The following NAT10 variants were observed in gnomAD, a reference collection of about 807,000 sequenced individuals.
NAT10 encodes RNA cytidine acetyltransferase.
In NAT10, 109 loss-of-function variants were observed where a neutral mutation model predicts 132.2. The observed-to-expected ratio is 0.82, with a 90% CI of 0.71 to 0.97. The LOEUF (loss-of-function observed/expected upper bound fraction) is 0.97, where lower values mean the gene tolerates loss of function less well. Ranked by LOEUF, NAT10 falls within the 50% of genes least tolerant of loss-of-function variation. NAT10 has a pLI of 0.00. For missense variants in NAT10, 1,184 were observed against 1,263.4 expected (o/e 0.94, Z 0.95); for synonymous variants, 479 against 478.0 (o/e 1.00, Z -0.03).
In NAT10 at chr11:34,135,181, T is replaced by A; in HGVS notation, c.1918T>A (p.Tyr640Asn). ...AVHPDYQGMG[Y>N]GSRALQLLQM... ...CCTTCACGTTTGCTCCTAGATGGGC[T>A]ATGGCAGCCGTGCTCTGCAGCTGCT... The change falls in exon 19 of 29, where the codon TAT becomes AAT. Residue 640 changes from tyrosine (Y) to asparagine (N), a missense_variant. Coordinates refer to ENST00000257829, the MANE Select transcript of NAT10 (RefSeq NM_024662.3). 3 of 1,613,910 alleles carry A rather than the reference T, an allele frequency of 1.9e-6. No individual in the cohort carries two copies. Among genetic ancestry groups the A allele is most frequent in the Non-Finnish European group, 2.5e-6 (3 of 1,179,780 alleles).
Position 34,130,920 on chromosome 11 carries a change from C to T in NAT10, c.1352C>T (p.Thr451Ile). 2 of 1,614,082 alleles carry T rather than the reference C, an allele frequency of 1.2e-6. No homozygotes were observed. The highest frequency in any genetic ancestry group is 1.7e-4 in the Middle Eastern group (1 of 6,058). ...ACTGCTGAGAATAAGACCACGACGACAGCCAGATTGGCATCAGGTACCCCA... is the reference window on the plus strand; with the variant it reads ...ACTGCTGAGAATAAGACCACGACGATAGCCAGATTGGCATCAGGTACCCCA... Reference protein sequence around the residue: ...STTAENKTTTTARLASARTLY... With the variant: ...STTAENKTTTIARLASARTLY... The change falls in exon 13 of 29, where the codon ACA becomes ATA. Residue 451 changes from threonine (T) to isoleucine (I), a missense_variant. By Grantham distance (89) the Thr-to-Ile change is moderately conservative. Coordinates refer to ENST00000257829, the MANE Select transcript of NAT10 (RefSeq NM_024662.3).
At chr11:34,146,052 T>C (rs1295990118) in intron 28 of NAT10, 32 bp from the exon 29 acceptor site, 13 of 1,454,286 alleles carry the variant, frequency 8.9e-6, no homozygotes, top group Non-Finnish European at 1.2e-5. Flanking sequence ...TCTGTACATA[T>C]TTCATTCTTT....
chr11:34,119,041 A>T (rs1851837627), intron 8 of NAT10, among the ~76,000 whole-genome samples: 1 of 152,204 alleles, frequency 6.6e-6, no homozygotes, highest in South Asian at 2.1e-4. Context: ...GTGAGAGGAG[A>T]ACTTGAGGCC....
intron 8 of NAT10, among the ~76,000 whole-genome samples, chr11:34,120,431 A>G (rs1851873064): frequency 6.6e-6 from 1 of 152,098 alleles, no homozygotes; most frequent in African/African-American, 2.4e-5. Flanking sequence ...CTCCCCTTCC[A>G]TCTACCTTGG....
At chr11:34,123,115 A>AC (rs1851925886) in intron 9 of NAT10, among the ~76,000 whole-genome samples, 2 of 152,202 alleles carry the variant, frequency 1.3e-5, no homozygotes, top group African/African-American at 2.4e-5. Context: ...TGAACCTAGA[A>AC]CTTACTGTGT....
At chr11:34,123,975 G>T (rs972643574) in intron 10 of NAT10, 120 bp downstream of exon 10, 34 of 727,112 alleles carry the variant, frequency 4.7e-5, no homozygotes, top group Non-Finnish European at 6.7e-5. Flanking sequence ...TTGGAGACCA[G>T]CCTGACCAAC....
chr11:34,122,274 T>G (rs1851908301), intron 8 of NAT10, among the ~76,000 whole-genome samples, 185 bp from the exon 9 acceptor site: 1 of 152,094 alleles, frequency 6.6e-6, no homozygotes, highest in Admixed American at 6.5e-5. Context: ...CCAAAGGCCT[T>G]GAGACTGAAA....
At position 34,122,669 on chromosome 11, in the gene NAT10, T is replaced by A. The variant is rs1330567214; in HGVS notation, c.914+77T>A. The A allele has an allele frequency of 4.4e-5, 69 of 1,561,730 alleles. No homozygotes were observed. In the Admixed American group the frequency reaches 1.3e-3, roughly 29 times the overall value. On this transcript the variant is annotated intron_variant, in intron 9 of 28. Transcript: ENST00000257829. ...GTGTGCAGGGTTGGGGTCAGAGGACTGGTATCTCACGTTCCTAGTTCTGAG... is the reference window on the plus strand; with the variant it reads ...GTGTGCAGGGTTGGGGTCAGAGGACAGGTATCTCACGTTCCTAGTTCTGAG...
chr11:34,145,962 G>A lies in NAT10; in HGVS notation c.2970-122G>A. 4.6e-6 allele frequency: 3 copies of A among 653,848 alleles called. No homozygotes were observed. In the South Asian group the frequency reaches 6.0e-5, roughly 13 times the overall value. The allele number at this position is 653,848 out of a possible 1,614,324, so 40.5% of individuals were successfully genotyped here. A position where few individuals can be genotyped will look rare whatever the true frequency, so the allele number is the denominator to read the frequency against. ...GCAGAGAACATTAATGTCCAATTGG[G>A]TGGCCTACATCAAGTTTCAGACGGT... is the stretch of plus-strand genomic sequence containing the variant. On this transcript the variant is annotated intron_variant, in intron 28 of 28. Coordinates refer to ENST00000257829, the MANE Select transcript of NAT10 (RefSeq NM_024662.3).
At chr11:34,135,126 G>T (rs769456165) in intron 18 of NAT10, 49 bp from the exon 19 acceptor site, 5 of 1,476,492 alleles carry the variant, frequency 3.4e-6, no homozygotes, top group South Asian at 1.1e-5. Context: ...GGCTTAGACT[G>T]AGAGCAGCTC....
intron 14 of NAT10, 142 bp downstream of exon 14, chr11:34,131,673 C>CT (rs376895504): frequency 0.073 from 46,033 of 634,118 alleles, 13 homozygotes; most frequent in East Asian, 0.1. Context: ...TTTTCTCTTC[C>CT]TTTTTTTTTT....
chr11:34,117,681 C>A (rs945743494), intron 6 of NAT10, among the ~76,000 whole-genome samples: 4 of 152,038 alleles, frequency 2.6e-5, no homozygotes, highest in African/African-American at 7.2e-5. Flanking sequence ...CATTTTTTTC[C>A]CTGCTTGCAA....
Position 34,141,408 on chromosome 11 carries a change from T to TCA in NAT10, c.2712+242_2712+243dup, listed in dbSNP as rs59489457. Among the ~76,000 whole-genome samples, 189 of 132,942 alleles carry TCA rather than the reference T, an allele frequency of 1.4e-3. 1 individual carries two copies. The highest frequency in any genetic ancestry group is 4.7e-3 in the African/African-American group (165 of 35,172). The allele number at this position is 132,942 out of a possible 152,430, so 87.2% of individuals were successfully genotyped here. A position where few individuals can be genotyped will look rare whatever the true frequency, so the allele number is the denominator to read the frequency against. ...TGTGTTTGCTGCATCTCATCACACA[T>TCA]CACACACACACACACACACACACAC... On this transcript the variant is annotated intron_variant, in intron 25 of 28. Coordinates refer to ENST00000257829, the MANE Select transcript of NAT10 (RefSeq NM_024662.3).
In NAT10 at chr11:34,141,757, G is replaced by A; in HGVS notation, c.2751G>A (p.Gln917=). The A allele has an allele frequency of 6.2e-7, 1 of 1,614,158 alleles. No individual in the cohort carries two copies. Among genetic ancestry groups the A allele is most frequent in the Non-Finnish European group, 8.5e-7 (1 of 1,180,032 alleles). ...NEVQEKAIEE[Q]MVAAKDVVME... is the part of the protein sequence containing the mutation. ...TTCAGGAAAAGGCCATTGAGGAGCA[G>A]ATGGTGGCAGCGAAGGATGTGGTCA... is the stretch of plus-strand genomic sequence containing the variant. Residue 917 remains glutamine (Q), a synonymous_variant, in exon 26 of 29, where the codon CAG becomes CAA. Coordinates refer to ENST00000257829, the MANE Select transcript of NAT10 (RefSeq NM_024662.3).
chr11:34,118,038 A>T, intron 6 of NAT10, 142 bp from the exon 7 acceptor site: 1 of 623,244 alleles, frequency 1.6e-6, no homozygotes, highest in Non-Finnish European at 2.8e-6. Flanking sequence ...ATCATCTCAC[A>T]CTGCTCTCCA....
chr11:34,144,376 A>G (rs1489020875), intron 28 of NAT10, among the ~76,000 whole-genome samples: 2 of 152,222 alleles, frequency 1.3e-5, no homozygotes, highest in Admixed American at 6.5e-5. Flanking sequence ...ACTCTTTTTC[A>G]TAAAAATTTT....
chr11:34,132,260 G>C, intron 15 of NAT10, 39 bp downstream of exon 15: 1 of 1,518,286 alleles, frequency 6.6e-7, no homozygotes, highest in Non-Finnish European at 9.1e-7. Flanking sequence ...GTAGCAGGGA[G>C]CTTCAGCATT....
At chr11:34,145,267 T>C (rs1421686390) in intron 28 of NAT10, among the ~76,000 whole-genome samples, 1 of 152,234 alleles carries the variant, frequency 6.6e-6, no homozygotes, top group Non-Finnish European at 1.5e-5. Flanking sequence ...TGTGTGGTTG[T>C]TCATGTGCTT....
At position 34,108,211 on chromosome 11, in the gene NAT10, T is replaced by C. The variant is rs1851630152; in HGVS notation, c.-15T>C. ...CCAGTTGTATTTCTTTCTCTTTTAG[T>C]AATAATTTTTCACCATGCATCGGAA... On this transcript the variant is annotated splice_region_variant and 5_prime_UTR_variant, in exon 2 of 29. Coordinates refer to ENST00000257829, the MANE Select transcript of NAT10 (RefSeq NM_024662.3). The C allele has an allele frequency of 4.4e-6, 7 of 1,599,576 alleles. No individual in the cohort carries two copies. Among genetic ancestry groups the C allele is most frequent in the African/African-American group, 1.3e-5 (1 of 74,576 alleles).
Sources: allele counts gnomAD v4.1 joint callset (sites outside exome capture counted in the v4.1 genomes callset), GRCh38; gene constraint gnomAD v4.1.1; transcripts MANE v1.5; gene names NCBI Gene and HGNC (gene_info 2026-07-23, HGNC 2026-07-21).